Variants in TACC1 observed in about 807,000 individuals in gnomAD.
TACC1 encodes the protein transforming acidic coiled-coil containing protein 1, also known as transforming acidic coiled-coil-containing protein 1.
Under a neutral mutation model 84.4 loss-of-function variants are expected in TACC1, and 48 were observed. That is an observed-to-expected ratio of 0.57 (90% CI 0.45 to 0.72). The LOEUF (loss-of-function observed/expected upper bound fraction) is 0.72. Among genes scored for constraint, TACC1 ranks in the 30% least tolerant of loss-of-function variants. The probability of loss-of-function intolerance (pLI) is 0.00; values close to 1 mark genes in which losing one functional copy is unlikely to be tolerated. For missense variants in TACC1, 920 were observed against 973.0 expected, an observed-to-expected ratio of 0.95 and a Z score of 0.72; for synonymous variants, 372 against 376.3, an observed-to-expected ratio of 0.99 and a Z score of 0.13.
At position 38,820,240 on chromosome 8, in the gene TACC1, G is replaced by T. The variant is rs775461424; in HGVS notation, c.996G>T (p.Glu332Asp). The T allele has an allele frequency of 3.7e-6, 6 of 1,614,132 alleles. No homozygotes were observed. In the South Asian group the frequency reaches 6.6e-5, roughly 18 times the overall value. Residue 332 changes from glutamate to aspartate, a missense_variant, in exon 3 of 13, where the codon GAG becomes GAT. Physicochemically the swap from Glu to Asp is conservative, Grantham distance 45. Around this residue, in one of 2 missense-constraint regions of TACC1, gnomAD observed 762 missense variants for 747.3 expected, o/e 1.02. Transcript: ENST00000317827. ...TCACAGAAGATACAGGAAACATAGA[G>T]GCCAGGAAAGCCCTTCCAAGGAAGC... ...FDFTEDTGNI[E>D]ARKALPRKLG...
chr8:38,840,059 TAAAAAA>T (rs11440274), intron 8 of TACC1, 159 bp from the exon 9 acceptor site: 7 of 189,310 alleles, frequency 3.7e-5, no homozygotes, highest in East Asian at 1.0e-4. Flanking sequence ...TTATATAATG[TAAAAAA>T]AAAAAAAAAA....
At chr8:38,753,147 T>G (rs945226021) in intron 3 of TACC1, among the ~76,000 whole-genome samples, 9 of 152,248 alleles carry the variant, frequency 5.9e-5, no homozygotes, top group African/African-American at 2.2e-4. Context: ...TCGCCCAGGC[T>G]GCAGTGCAGT....
chr8:38,845,335 T>G (rs941121784), intron 11 of TACC1, among the ~76,000 whole-genome samples: 2 of 152,262 alleles, frequency 1.3e-5, no homozygotes, highest in African/African-American at 4.8e-5. Context: ...CCCATAGTAC[T>G]GTATTAGATT....
intron 2 of TACC1, among the ~76,000 whole-genome samples, chr8:38,792,663 C>T (rs1252470813): frequency 1.3e-5 from 2 of 152,190 alleles, no homozygotes; most frequent in Non-Finnish European, 2.9e-5. Flanking sequence ...GACGGGGTTT[C>T]ACCGTGTTAG....
chr8:38,822,809 C>T (rs911499403), intron 3 of TACC1, among the ~76,000 whole-genome samples: 8 of 152,324 alleles, frequency 5.3e-5, no homozygotes, highest in Non-Finnish European at 7.4e-5. Context: ...TACTCAGGAT[C>T]GTCAGGACAT....
At chr8:38,826,477 G>A (rs1452502812) in intron 4 of TACC1, among the ~76,000 whole-genome samples, 4 of 152,142 alleles carry the variant, frequency 2.6e-5, no homozygotes, top group Non-Finnish European at 4.4e-5. Flanking sequence ...AAAATAAGTT[G>A]TGCATTAATA....
At chr8:38,761,780 T>C (rs1170261734) in intron 3 of TACC1, among the ~76,000 whole-genome samples, 1 of 152,194 alleles carries the variant, frequency 6.6e-6, no homozygotes, top group Non-Finnish European at 1.5e-5. Context: ...TGTGAAAATG[T>C]CTTAGTATAA....
intron 2 of TACC1, among the ~76,000 whole-genome samples, chr8:38,799,255 T>G (rs1250656251): frequency 6.6e-6 from 1 of 152,252 alleles, no homozygotes; most frequent in African/African-American, 2.4e-5. Context: ...AGCCTAGAGC[T>G]GAGCTGCGGC....
intron 2 of TACC1, among the ~76,000 whole-genome samples, chr8:38,794,879 G>A (rs550701389): frequency 4.6e-5 from 7 of 152,232 alleles, no homozygotes; most frequent in South Asian, 2.1e-4. Context: ...CAACAGCATC[G>A]CAGCCTAATG....
Position 38,827,356 on chromosome 8 carries a change from G to A in TACC1, c.1641G>A (p.Ala547=), listed in dbSNP as rs146537980. The A allele has an allele frequency of 2.6e-5, 42 of 1,614,042 alleles. 1 individual carries two copies. Among genetic ancestry groups the A allele is most frequent in the African/African-American group, 4.0e-5 (3 of 74,912 alleles). Residue 547 remains alanine (A), a synonymous_variant, in exon 5 of 13, where the codon GCG becomes GCA. Coordinates refer to ENST00000317827, the MANE Select transcript of TACC1 (RefSeq NM_006283.3). ...TTCCTGTGTCTACCATAAATCATGC[G>A]TTTTCATCCTCAGAAGCAGGTATGG... The part of the protein sequence containing the change: ...SNVPVSTINH[A]FSSSEAGIEK...
intron 2 of TACC1, among the ~76,000 whole-genome samples, chr8:38,810,835 G>C (rs1823920153): frequency 6.6e-6 from 1 of 152,048 alleles, no homozygotes; most frequent in African/African-American, 2.4e-5. Flanking sequence ...TCCCAAAACA[G>C]GCCAGGCATG....
chr8:38,732,308 C>A (rs535201586), intron 1 of TACC1, among the ~76,000 whole-genome samples: 1 of 150,536 alleles, frequency 6.6e-6, no homozygotes, highest in African/African-American at 2.4e-5. Flanking sequence ...ATGTTTTTTT[C>A]TTGTTTTTTT....
chr8:38,752,555 T>C lies in TACC1; in HGVS notation c.26+7062T>C, dbSNP rs559721282. Among the ~76,000 whole-genome samples, 21 of 152,266 alleles carry C rather than the reference T, an allele frequency of 1.4e-4. No homozygotes were observed. The South Asian group carries it at 2.1e-3, about 15-fold the overall frequency. On this transcript the variant is annotated intron_variant, in intron 3 of 14. Transcript: ENST00000518415. ...AAAAACCTTCTTGACCGAATTGTTA[T>C]GTGCGAGTGGAAACCTTAACCACGG...
At chr8:38,801,736 T>A (rs1821416382) in intron 2 of TACC1, among the ~76,000 whole-genome samples, 1 of 152,176 alleles carries the variant, frequency 6.6e-6, no homozygotes. Flanking sequence ...TTAGAATCAG[T>A]CTGTTAATTT....
chr8:38,809,138 C>A (rs1252283508), intron 2 of TACC1, among the ~76,000 whole-genome samples: 1 of 152,104 alleles, frequency 6.6e-6, no homozygotes, highest in Non-Finnish European at 1.5e-5. Context: ...TCCACCATGA[C>A]AGGGCCATGC....
intron 1 of TACC1, among the ~76,000 whole-genome samples, chr8:38,738,028 G>A (rs1199338483): frequency 6.6e-6 from 1 of 151,968 alleles, no homozygotes; most frequent in East Asian, 1.9e-4. Context: ...CGCCCGGCCT[G>A]GGAACCATTC....
rs775925035 is a variant in TACC1, at chr8:38,827,178, C to T, written c.1463C>T (p.Ala488Val). Reference protein sequence around the residue: ...ALDACSRDEGAVISQISDISN... With the variant: ...ALDACSRDEGVVISQISDISN... The stretch of plus-strand genomic sequence containing the variant: ...TGTTGTGTTTCTCAGGATGAAGGGG[C>T]AGTGATCTCCCAGATTTCAGACATT... Residue 488 changes from alanine (A) to valine (V), a missense_variant, in exon 5 of 13, where the codon GCA (alanine) becomes GTA (valine). Physicochemically the swap from Ala to Val is moderately conservative, Grantham distance 64 (BLOSUM62 0). Coordinates refer to ENST00000317827, the MANE Select transcript of TACC1 (RefSeq NM_006283.3). The T allele has an allele frequency of 2.5e-6, 4 of 1,613,378 alleles. No homozygotes were observed. The Admixed American group carries it at 6.7e-5, about 27-fold the overall frequency.
chr8:38,769,575 CTG>C (rs1250261748), intron 3 of TACC1, among the ~76,000 whole-genome samples: 2 of 126,608 alleles, frequency 1.6e-5, no homozygotes, highest in Non-Finnish European at 3.2e-5. Context: ...GTGTGTATGA[CTG>C]TGTGTGGTGT....
At chr8:38,753,905 T>TTTTCTTTTTC (rs1554495446) in intron 3 of TACC1, among the ~76,000 whole-genome samples, 2 of 124,516 alleles carry the variant, frequency 1.6e-5, no homozygotes, top group African/African-American at 6.1e-5. Flanking sequence ...CTCTTTTTCT[T>TTTTCTTTTTC]TTTCTTTCTT....
Sources: gnomAD v4.1 joint callset for allele counts (sites outside exome capture counted in the v4.1 genomes callset) on GRCh38, gnomAD v4.1.1 for gene constraint, gnomAD v4.1.1 regional missense constraint, MANE v1.5 for transcripts, NCBI Gene and HGNC (gene_info 2026-07-23, HGNC 2026-07-21) for gene names.